Variants in MAP4 observed in about 807,000 individuals in gnomAD.
MAP4 encodes the protein microtubule-associated protein 4.
Under a neutral mutation model 170.2 loss-of-function variants are expected in MAP4, and 76 were observed. The observed-to-expected ratio is 0.45, with a 90% CI of 0.37 to 0.54. The LOEUF is 0.54. MAP4 is among the 20% of genes least tolerant of loss of function. The pLI is 0.00. For missense variants in MAP4, 2,506 were observed against 2,748.0 expected (o/e 0.91, Z 1.97); for synonymous variants, 909 against 994.5 (o/e 0.91, Z 1.62).
chr3:47,858,755 G>A (rs1022847932), intron 17 of MAP4, among the ~76,000 whole-genome samples: 3 of 152,086 alleles, frequency 2.0e-5, no homozygotes, highest in Non-Finnish European at 4.4e-5. Context: ...CAGATCACCT[G>A]TGGCTAGGAG....
At chr3:48,034,398 A>G (rs917845802) in intron 1 of MAP4, among the ~76,000 whole-genome samples, 3 of 152,040 alleles carry the variant, frequency 2.0e-5, no homozygotes, top group Non-Finnish European at 4.4e-5. Flanking sequence ...TCACACATTG[A>G]CCATTTAAAA....
At chr3:47,992,560 T>C (rs2100092968) in intron 2 of MAP4, among the ~76,000 whole-genome samples, 1 of 152,066 alleles carries the variant, frequency 6.6e-6, no homozygotes, top group African/African-American at 2.4e-5. Flanking sequence ...CCTGTGTAGC[T>C]CGGACTACAG....
At chr3:48,041,515 A>C (rs2100121637) in intron 1 of MAP4, among the ~76,000 whole-genome samples, 1 of 152,222 alleles carries the variant, frequency 6.6e-6, no homozygotes, top group Non-Finnish European at 1.5e-5. Context: ...ATGGATCAGA[A>C]GATTTAACAT....
intron 10 of MAP4, among the ~76,000 whole-genome samples, chr3:47,897,710 G>A (rs946228204): frequency 2.0e-5 from 3 of 151,800 alleles, no homozygotes; most frequent in Non-Finnish European, 4.4e-5. Context: ...AGGTCGAGGC[G>A]GGCGGATCAC....
rs1490553910 is a variant in MAP4 at position 47,852,344 on chromosome 3, G to A, written c.*590C>T. 5.8e-6 allele frequency: 1 copy of A among 173,352 alleles called. No homozygotes were observed. The highest frequency in any genetic ancestry group is 1.2e-5 in the Non-Finnish European group (1 of 82,312). The allele number at this position is 173,352 out of a possible 1,614,324, so 10.7% of individuals were successfully genotyped here. ...AGCACTGACCCCCAACTTGGGGCAG[G>A]GCAGCAAGAAGGGCCCGACACCACC... On this transcript the variant is annotated 3_prime_UTR_variant, in exon 21 of 21. Coordinates refer to ENST00000683076, the MANE Select transcript of MAP4 (RefSeq NM_001385682.1).
rs762919417 is a variant in MAP4, at chr3:47,909,999, G to C, written c.4422C>G (p.Ser1474=). 6.2e-7 allele frequency: 1 copy of C among 1,613,952 alleles called. No homozygotes were observed. The highest frequency in any genetic ancestry group is 1.1e-5 in the South Asian group (1 of 91,082). ...NGQEIAPAQI[S]KSLMVDNYTK... is the part of the protein sequence containing the mutation. ...TGTAGTTATCTACCATTAATGATTT[G>C]GAAATCTGGGCTGGGGCTATCTCTT... is the stretch of plus-strand genomic sequence containing the variant. Residue 1474 remains serine, a synonymous_variant, in exon 9 of 21, where the codon TCC becomes TCG. Transcript: ENST00000683076.
chr3:48,018,398 A>T (rs960250701), upstream of MAP4, among the ~76,000 whole-genome samples: 45 of 152,242 alleles, frequency 3.0e-4, 1 homozygote, highest in African/African-American at 1.0e-3. Context: ...AGTTATTAGA[A>T]ATTGAATCTA....
At chr3:47,854,807 C>T (rs917860598) in intron 19 of MAP4, among the ~76,000 whole-genome samples, 6 of 149,922 alleles carry the variant, frequency 4.0e-5, no homozygotes, top group Non-Finnish European at 7.4e-5. Flanking sequence ...AGCCTGCTGT[C>T]GCTGGCAGCT....
At chr3:47,859,964 A>G (rs561981724) in intron 17 of MAP4, among the ~76,000 whole-genome samples, 1 of 152,340 alleles carries the variant, frequency 6.6e-6, no homozygotes, top group South Asian at 2.1e-4. Flanking sequence ...AGAAATGGCC[A>G]ATTCAAGAAG....
Position 48,011,034 on chromosome 3 carries a change from T to C in MAP4, c.-20+5300A>G, listed in dbSNP as rs531450023. Reference sequence around the variant, plus strand: ...TCTGTCCCTCTAAGAGAATCCTGACTAAAACAAGTAGTGTGGGGCTCGTGA... The same window carrying C: ...TCTGTCCCTCTAAGAGAATCCTGACCAAAACAAGTAGTGTGGGGCTCGTGA... On this transcript the variant is annotated intron_variant, in intron 1 of 20. Coordinates refer to ENST00000683076, the MANE Select transcript of MAP4 (RefSeq NM_001385682.1). Among the ~76,000 whole-genome samples, 10 of 152,240 alleles carry C rather than the reference T, an allele frequency of 6.6e-5. 1 individual carries two copies. The highest frequency in any genetic ancestry group is 2.2e-4 in the African/African-American group (9 of 41,562).
At chr3:48,020,536 C>G (rs1405284337), upstream of MAP4, among the ~76,000 whole-genome samples, 6 of 152,120 alleles carry the variant, frequency 3.9e-5, no homozygotes, top group South Asian at 8.3e-4. Flanking sequence ...ATTTTGTAGT[C>G]GTGGCAAAGG....
In MAP4 at chr3:47,942,841, G is replaced by A. The variant is rs755520437; in HGVS notation, c.293-14491C>T. Among the ~76,000 whole-genome samples the A allele has an allele frequency of 4.8e-4, 73 of 152,142 alleles. 1 individual carries two copies. The highest frequency in any genetic ancestry group is 2.7e-3 in the Admixed American group (41 of 15,258). On this transcript the variant is annotated intron_variant, in intron 3 of 20. Transcript: ENST00000683076. The stretch of plus-strand genomic sequence containing the variant: ...TATTTCAAAATAAGCTGGGCATGGC[G>A]GCTCACACCTGTAATCATCGCAATT...
intron 1 of MAP4, among the ~76,000 whole-genome samples, chr3:48,055,340 G>A (rs556866441): frequency 5.3e-5 from 8 of 152,238 alleles, no homozygotes; most frequent in East Asian, 1.9e-4. Context: ...TCAGTCTGCC[G>A]AATGCCTGCG....
At chr3:47,986,138 G>T (rs367655713) in intron 2 of MAP4, among the ~76,000 whole-genome samples, 4 of 152,212 alleles carry the variant, frequency 2.6e-5, no homozygotes, top group African/African-American at 9.6e-5. Context: ...TCATTTGCTT[G>T]CAGAATATTA....
rs2100034908 is a variant in MAP4 at position 47,909,590 on chromosome 3, T to C, written c.4831A>G (p.Lys1611Glu). The C allele has an allele frequency of 6.2e-7, 1 of 1,613,024 alleles. No individual in the cohort carries two copies. The highest frequency in any genetic ancestry group is 8.5e-7 in the Non-Finnish European group (1 of 1,179,878). Reference sequence around the variant, plus strand: ...GCAACAGACCCTTCTTTAGTCTCTTTCTCTTCATTCACTGGATGTGCTGGG... The same window carrying C: ...GCAACAGACCCTTCTTTAGTCTCTTCCTCTTCATTCACTGGATGTGCTGGG... ...NFPAHPVNEE[K>E]ETKEGSVAVQ... Residue 1611 changes from lysine (K) to glutamate (E), a missense_variant, in exon 9 of 21, where the codon AAA (lysine) becomes GAA (glutamate). Coordinates refer to ENST00000683076, the MANE Select transcript of MAP4 (RefSeq NM_001385682.1).
intron 2 of MAP4, among the ~76,000 whole-genome samples, chr3:47,995,187 C>T (rs142936518): frequency 6.6e-6 from 1 of 150,942 alleles, no homozygotes; most frequent in Non-Finnish European, 1.5e-5. Flanking sequence ...CTTTACTTCT[C>T]AACATAAGCT....
At chr3:47,942,388 A>G (rs879534973) in intron 3 of MAP4, among the ~76,000 whole-genome samples, 5 of 151,870 alleles carry the variant, frequency 3.3e-5, no homozygotes, top group Admixed American at 6.6e-5. Context: ...TTTTTTTTCT[A>G]TTTATTTTTA....
At chr3:47,897,500 A>G (rs1406066769) in intron 10 of MAP4, among the ~76,000 whole-genome samples, 1 of 151,808 alleles carries the variant, frequency 6.6e-6, no homozygotes, top group Non-Finnish European at 1.5e-5. Context: ...TTTTGTGATC[A>G]CTCCAAAACT....
At chr3:47,941,786 C>CAAAA (rs35079131) in intron 3 of MAP4, among the ~76,000 whole-genome samples, 4 of 61,554 alleles carry the variant, frequency 6.5e-5, no homozygotes, top group Non-Finnish European at 1.3e-4. Context: ...GACTCCGTCT[C>CAAAA]AAAAAAAAAA....
Sources: gnomAD v4.1 joint callset for allele counts (sites outside exome capture counted in the v4.1 genomes callset) on GRCh38, gnomAD v4.1.1 for gene constraint, MANE v1.5 for transcripts, NCBI Gene and HGNC (gene_info 2026-07-23, HGNC 2026-07-21) for gene names.